Variants in GNA14 observed in about 807,000 individuals in gnomAD.
GNA14 encodes G protein subunit alpha 14, also known as guanine nucleotide-binding protein subunit alpha-14.
A neutral mutation model predicts 42.0 loss-of-function variants in GNA14; 50 were observed. That is an observed-to-expected ratio of 1.19 (90% CI 0.95 to 1.51). The LOEUF is 1.51. Ranked by LOEUF, GNA14 falls within the 40% of genes most tolerant of loss-of-function variation. GNA14 has a pLI of 0.00. For synonymous variants in GNA14, 173 were observed against 163.1 expected (o/e 1.06, Z -0.46); for missense variants, 473 against 446.2 (o/e 1.06, Z -0.54).
chr9:77,465,301 C>T (rs780060289), intron 2 of GNA14, among the ~76,000 whole-genome samples: 3 of 152,208 alleles, frequency 2.0e-5, no homozygotes, highest in Non-Finnish European at 4.4e-5. Flanking sequence ...GCTTCTTTCC[C>T]TTAGCTTAAT....
At chr9:77,498,231 G>T (rs1354489449) in intron 2 of GNA14, among the ~76,000 whole-genome samples, 1 of 151,936 alleles carries the variant, frequency 6.6e-6, no homozygotes, top group African/African-American at 2.4e-5. Context: ...AAATTAGTCG[G>T]GGGTGATGGT....
intron 1 of GNA14, among the ~76,000 whole-genome samples, chr9:77,541,208 T>C (rs1426160925): frequency 6.6e-6 from 1 of 152,208 alleles, no homozygotes; most frequent in Non-Finnish European, 1.5e-5. Context: ...GTGCCTTTCT[T>C]GTAGGGCCAG....
At chr9:77,603,866 C>T (rs1425514316) in intron 1 of GNA14, among the ~76,000 whole-genome samples, 1 of 142,046 alleles carries the variant, frequency 7.0e-6, no homozygotes, top group Admixed American at 7.6e-5. Context: ...ATGGTGTGAA[C>T]CTGGGAGGTG....
In GNA14 at chr9:77,441,796, A is replaced by G. The variant is rs193141221; in HGVS notation, c.310-7274T>C. 6.2e-4 allele frequency among the ~76,000 whole-genome samples: 94 copies of G among 152,334 alleles called. 2 individuals are homozygous for G. Among genetic ancestry groups the G allele is most frequent in the African/African-American group, 2.1e-3 (87 of 41,582 alleles). On this transcript the variant is annotated intron_variant, in intron 2 of 6. Coordinates refer to ENST00000341700, the MANE Select transcript of GNA14 (RefSeq NM_004297.4). ...ACCCCTCTTTAACAACTACAGAATT[A>G]TACTGTGTTTAATGTGTCCAGAATT...
chr9:77,521,960 G>A (rs892228034), intron 2 of GNA14, among the ~76,000 whole-genome samples: 12 of 152,124 alleles, frequency 7.9e-5, no homozygotes, highest in African/African-American at 2.9e-4. Context: ...AGCCTCCAGA[G>A]TAGCTGGGAC....
At chr9:77,587,285 A>G (rs1196953158) in intron 1 of GNA14, among the ~76,000 whole-genome samples, 1 of 152,210 alleles carries the variant, frequency 6.6e-6, no homozygotes, top group Non-Finnish European at 1.5e-5. Context: ...TGACCCAGCA[A>G]TTCCACTTCT....
intron 1 of GNA14, among the ~76,000 whole-genome samples, chr9:77,606,592 A>T (rs1199865463): frequency 6.6e-6 from 1 of 152,218 alleles, no homozygotes; most frequent in Non-Finnish European, 1.5e-5. Context: ...TGCTCAGTGC[A>T]ACTTATCAAA....
At chr9:77,549,151 T>C (rs1346865374) in intron 1 of GNA14, among the ~76,000 whole-genome samples, 1 of 152,124 alleles carries the variant, frequency 6.6e-6, no homozygotes, top group Non-Finnish European at 1.5e-5. Context: ...GCCAGGATGG[T>C]CTTGATCTCC....
At chr9:77,597,276 C>T (rs1053550049) in intron 1 of GNA14, among the ~76,000 whole-genome samples, 4 of 152,158 alleles carry the variant, frequency 2.6e-5, no homozygotes, top group African/African-American at 4.8e-5. Context: ...ACAAACCAAA[C>T]GTCTTGCCCT....
intron 1 of GNA14, chr9:77,580,761 T>C (rs551704394): frequency 5.2e-6 from 1 of 192,450 alleles, no homozygotes; most frequent in African/African-American, 2.4e-5. Flanking sequence ...AGTGTGCTGC[T>C]GCCACCAAGG....
intron 2 of GNA14, among the ~76,000 whole-genome samples, chr9:77,460,316 T>C (rs903051391): frequency 6.6e-6 from 1 of 152,052 alleles, no homozygotes; most frequent in Non-Finnish European, 1.5e-5. Flanking sequence ...CAGTGTTGTG[T>C]CCGCAAGCCG....
At chr9:77,601,677 G>A (rs745998001) in intron 1 of GNA14, among the ~76,000 whole-genome samples, 3 of 152,206 alleles carry the variant, frequency 2.0e-5, no homozygotes, top group Non-Finnish European at 4.4e-5. Context: ...AACCCTCGTA[G>A]CTCACCAAAC....
chr9:77,626,295 G>A (rs1165914624), intron 1 of GNA14, among the ~76,000 whole-genome samples: 1 of 152,098 alleles, frequency 6.6e-6, no homozygotes, highest in Non-Finnish European at 1.5e-5. Flanking sequence ...AATAGTGGGA[G>A]ACTTTAACAC....
rs1233979790 is a variant in GNA14, at chr9:77,580,493, G to A, written c.125-51240C>T. 1.6e-5 allele frequency: 6 copies of A among 386,934 alleles called. 1 individual carries two copies. Among genetic ancestry groups the A allele is most frequent in the Admixed American group, 1.5e-4 (5 of 33,908 alleles). The allele number at this position is 386,934 out of a possible 1,614,324, so 24.0% of individuals were successfully genotyped here. A position where few individuals can be genotyped will look rare whatever the true frequency, so the allele number is the denominator to read the frequency against. ...CCCACACCAGATAGCTGCATCATCAGCATGGTTGTGGGTGAGCTTAAGGTA... is the reference window on the plus strand; with the variant it reads ...CCCACACCAGATAGCTGCATCATCAACATGGTTGTGGGTGAGCTTAAGGTA... On this transcript the variant is annotated intron_variant, in intron 1 of 6. Coordinates refer to ENST00000341700, the MANE Select transcript of GNA14 (RefSeq NM_004297.4).
intron 2 of GNA14, among the ~76,000 whole-genome samples, chr9:77,473,778 T>C (rs746810940): frequency 6.6e-6 from 1 of 152,192 alleles, no homozygotes; most frequent in Non-Finnish European, 1.5e-5. Context: ...TACAAAGCTA[T>C]TGTAATCAAA....
chr9:77,515,965 A>AAAAAAAAAAAAAAC, intron 2 of GNA14, among the ~76,000 whole-genome samples: 1 of 138,348 alleles, frequency 7.2e-6, no homozygotes, highest in Non-Finnish European at 1.5e-5. Context: ...TCTCACAAAA[A>AAAAAAAAAAAAAAC]AAAAAAAAAA....
intron 1 of GNA14, among the ~76,000 whole-genome samples, chr9:77,591,873 C>A (rs1293829795): frequency 6.6e-6 from 1 of 151,900 alleles, no homozygotes; most frequent in Non-Finnish European, 1.5e-5. Context: ...CTCTGTGAAC[C>A]ACTTGAGTTT....
At chr9:77,428,227 C>T (rs1030301101) in intron 5 of GNA14, among the ~76,000 whole-genome samples, 5 of 151,830 alleles carry the variant, frequency 3.3e-5, no homozygotes, top group African/African-American at 4.8e-5. Context: ...TACAGGCGCC[C>T]ACCACCACGC....
At chr9:77,547,857 G>A (rs990500185) in intron 1 of GNA14, among the ~76,000 whole-genome samples, 3 of 152,152 alleles carry the variant, frequency 2.0e-5, no homozygotes, top group African/African-American at 7.2e-5. Context: ...TTGTGAGAAT[G>A]AAAATCACAT....
Sources: gnomAD v4.1 joint callset for allele counts (sites outside exome capture counted in the v4.1 genomes callset) on GRCh38, gnomAD v4.1.1 for gene constraint, MANE v1.5 for transcripts, NCBI Gene and HGNC (gene_info 2026-07-23, HGNC 2026-07-21) for gene names.